The following RHEX variants were observed in gnomAD, a reference collection of about 807,000 sequenced individuals.
The protein encoded by RHEX is regulator of hemoglobinization and erythroid cell expansion, also known as regulator of hemoglobinization and erythroid cell expansion protein.
In RHEX, 18 loss-of-function variants were observed where a neutral mutation model predicts 20.1. The ratio of observed to expected loss-of-function variants is 0.90; its 90% CI spans 0.62 to 1.33. RHEX has a LOEUF of 1.33. Among genes scored for constraint, RHEX ranks in the 40% most tolerant of loss-of-function variants. The pLI is 0.00. For synonymous variants in RHEX, 87 were observed against 77.1 expected, an observed-to-expected ratio of 1.13 and a Z score of -0.67; for missense variants, 192 against 214.3, an observed-to-expected ratio of 0.90 and a Z score of 0.65.
chr1:206,071,995 A>T (rs1662545786), intron 1 of RHEX, among the ~76,000 whole-genome samples: 1 of 152,218 alleles, frequency 6.6e-6, no homozygotes, highest in Non-Finnish European at 1.5e-5. Flanking sequence ...CATTAGATGG[A>T]AGAAGCCATA....
chr1:206,093,914 AG>A (rs1663011676), intron 1 of RHEX, among the ~76,000 whole-genome samples: 1 of 152,012 alleles, frequency 6.6e-6, no homozygotes. Context: ...CCTGGTCTCA[AG>A]TGATTCTTCC....
chr1:206,101,383 T>G (rs1419410203), intron 5 of RHEX, among the ~76,000 whole-genome samples, 186 bp downstream of exon 5: 1 of 152,132 alleles, frequency 6.6e-6, no homozygotes, highest in African/African-American at 2.4e-5. Flanking sequence ...TCTGCATGGA[T>G]CACCCAAACA....
intron 1 of RHEX, among the ~76,000 whole-genome samples, chr1:206,055,220 T>C (rs898863673): frequency 2.0e-5 from 3 of 152,262 alleles, no homozygotes; most frequent in East Asian, 1.9e-4. Context: ...AGCTTCCGTC[T>C]CCCAACACTA....
intron 1 of RHEX, among the ~76,000 whole-genome samples, chr1:206,075,371 A>T (rs1254914701): frequency 6.6e-6 from 1 of 152,244 alleles, no homozygotes; most frequent in Non-Finnish European, 1.5e-5. Context: ...GGCAGTGGAC[A>T]TATGTCACTT....
At chr1:206,092,574 G>T (rs545423744) in intron 1 of RHEX, among the ~76,000 whole-genome samples, 2 of 152,032 alleles carry the variant, frequency 1.3e-5, no homozygotes, top group Non-Finnish European at 2.9e-5. Flanking sequence ...TAAGCTTTCC[G>T]TGCCATATGG....
At chr1:206,100,106 G>A (rs762652010) in intron 4 of RHEX, among the ~76,000 whole-genome samples, 1 of 152,100 alleles carries the variant, frequency 6.6e-6, no homozygotes, top group Non-Finnish European at 1.5e-5. Context: ...TCTTTTCTTC[G>A]GATTGATCAG....
chr1:206,101,865 C>T lies in RHEX; in HGVS notation c.432C>T (p.Val144=), dbSNP rs1553288485. The part of the protein sequence containing the change: ...NIKEITDYVN[V]NPERHKPSFW... ...AGGAAATCACAGATTATGTCAATGT[C>T]AATCCAGAAAGACACAAGCCCAGTT... Residue 144 remains valine (V), a synonymous_variant, in exon 6 of 6, where the codon GTC becomes GTT. Coordinates refer to ENST00000331555, the MANE Select transcript of RHEX (RefSeq NM_001007544.4). 1.2e-6 allele frequency: 2 copies of T among 1,613,988 alleles called. No individual in the cohort carries two copies. Among genetic ancestry groups the T allele is most frequent in the Admixed American group, 3.3e-5 (2 of 60,004 alleles).
chr1:206,084,772 T>C (rs1194021564), intron 1 of RHEX, among the ~76,000 whole-genome samples: 2 of 152,236 alleles, frequency 1.3e-5, no homozygotes, highest in South Asian at 2.1e-4. Context: ...TCAAAAATTG[T>C]TACGAATTTA....
intron 1 of RHEX, among the ~76,000 whole-genome samples, chr1:206,093,502 C>A (rs1351598370): frequency 1.3e-5 from 2 of 152,176 alleles, no homozygotes; most frequent in African/African-American, 4.8e-5. Context: ...AACTCCCGAC[C>A]TCATGATCCA....
At chr1:206,088,173 T>G (rs1347043443) in intron 1 of RHEX, among the ~76,000 whole-genome samples, 8 of 152,124 alleles carry the variant, frequency 5.3e-5, no homozygotes, top group Non-Finnish European at 1.2e-4. Context: ...TTGGAAAAAA[T>G]GCATGTTAAT....
intron 1 of RHEX, among the ~76,000 whole-genome samples, chr1:206,075,551 A>G (rs1553285149): frequency 6.6e-6 from 1 of 152,176 alleles, no homozygotes; most frequent in African/African-American, 2.4e-5. Flanking sequence ...GCAGCAGATA[A>G]ATTCATTGGT....
chr1:206,076,738 G>T lies in RHEX; in HGVS notation c.-96-20995G>T, dbSNP rs374938579. Among the ~76,000 whole-genome samples, 15 of 152,354 alleles carry T rather than the reference G, an allele frequency of 9.8e-5. No individual in the cohort carries two copies. The South Asian group carries it at 3.1e-3, about 32-fold the overall frequency. Reference sequence around the variant, plus strand: ...TCTTGAATAGCATCCTGGAAGCAGTGAACAGAAGTGTGGGTGTGGAAGGTT... The same window carrying T: ...TCTTGAATAGCATCCTGGAAGCAGTTAACAGAAGTGTGGGTGTGGAAGGTT... On this transcript the variant is annotated intron_variant, in intron 1 of 5. Transcript: ENST00000331555.
chr1:206,053,830 G>C (rs115349790), intron 1 of RHEX, among the ~76,000 whole-genome samples: 2,473 of 152,230 alleles, frequency 0.016, 64 homozygotes, highest in African/African-American at 0.055. Flanking sequence ...CCCTTGCCCC[G>C]CCAACGTAGT....
intron 1 of RHEX, among the ~76,000 whole-genome samples, chr1:206,096,733 T>A (rs1663075417): frequency 6.6e-6 from 1 of 151,962 alleles, no homozygotes; most frequent in Non-Finnish European, 1.5e-5. Flanking sequence ...GGCTCTACAC[T>A]TTTTATTTTT....
chr1:206,079,181 A>T (rs1424857651), intron 1 of RHEX, among the ~76,000 whole-genome samples: 2 of 152,198 alleles, frequency 1.3e-5, no homozygotes, highest in African/African-American at 4.8e-5. Flanking sequence ...AAATAGTAAA[A>T]TATTTTATTG....
At chr1:206,070,408 A>G (rs1246489560) in intron 1 of RHEX, among the ~76,000 whole-genome samples, 2 of 152,230 alleles carry the variant, frequency 1.3e-5, no homozygotes, top group African/African-American at 4.8e-5. Flanking sequence ...ACGTTTGGCT[A>G]TGTGACTGTT....
intron 1 of RHEX, among the ~76,000 whole-genome samples, chr1:206,074,363 G>A (rs569733736): frequency 1.3e-5 from 2 of 152,296 alleles, no homozygotes; most frequent in East Asian, 3.9e-4. Context: ...GGACTATCAA[G>A]AAATATCTGT....
At chr1:206,090,202 C>CTTTTTTTTTTTTTTTTT (rs59499927) in intron 1 of RHEX, among the ~76,000 whole-genome samples, 1 of 112,590 alleles carries the variant, frequency 8.9e-6, no homozygotes, top group Non-Finnish European at 1.8e-5. Context: ...TCTTTTCTTT[C>CTTTTTTTTTTTTTTTTT]TTTTTTTTTT....
chr1:206,082,562 A>G (rs1553286057), intron 1 of RHEX, among the ~76,000 whole-genome samples: 2 of 152,210 alleles, frequency 1.3e-5, no homozygotes, highest in Non-Finnish European at 2.9e-5. Context: ...TGTTCACTAC[A>G]GAAAGGACAT....
Sources: allele counts gnomAD v4.1 joint callset (sites outside exome capture counted in the v4.1 genomes callset), GRCh38; gene constraint gnomAD v4.1.1; transcripts MANE v1.5; gene names NCBI Gene and HGNC (gene_info 2026-07-23, HGNC 2026-07-21).